PTPRT: variants seen among roughly 807,000 people sequenced by gnomAD.
PTPRT encodes the protein protein tyrosine phosphatase receptor type T.
A neutral mutation model predicts 176.8 loss-of-function variants in PTPRT; 56 were observed. The observed-to-expected ratio is 0.32, with a 90% CI of 0.26 to 0.40. The LOEUF (loss-of-function observed/expected upper bound fraction) is 0.40, where lower values mean the gene tolerates loss of function less well. Among genes scored for constraint, PTPRT ranks in the 10% least tolerant of loss-of-function variants. The pLI, the probability that PTPRT is intolerant of heterozygous loss-of-function variation, is 1.00. For missense variants in PTPRT, 1,540 were observed against 1,908.2 expected, an observed-to-expected ratio of 0.81 and a Z score of 3.60; for synonymous variants, 783 against 739.0, an observed-to-expected ratio of 1.06 and a Z score of -0.96.
At chr20:42,168,466 C>A (rs1600623550) in intron 16 of PTPRT, among the ~76,000 whole-genome samples, 1 of 152,290 alleles carries the variant, frequency 6.6e-6, no homozygotes, top group South Asian at 2.1e-4. Context: ...TTCTCCCTCA[C>A]AAAATACTAG....
chr20:42,735,889 C>T (rs935719391), intron 6 of PTPRT, among the ~76,000 whole-genome samples: 2 of 152,150 alleles, frequency 1.3e-5, no homozygotes, highest in African/African-American at 4.8e-5. Context: ...GTTGTCTGTC[C>T]TTAACCTTAG....
At chr20:42,321,817 C>T (rs996782846) in intron 11 of PTPRT, among the ~76,000 whole-genome samples, 1 of 152,148 alleles carries the variant, frequency 6.6e-6, no homozygotes, top group Non-Finnish European at 1.5e-5. Flanking sequence ...AGCGCGGTGG[C>T]TCACGCCTGT....
At chr20:42,252,669 A>G (rs543741299) in intron 13 of PTPRT, among the ~76,000 whole-genome samples, 1 of 152,320 alleles carries the variant, frequency 6.6e-6, no homozygotes, top group Admixed American at 6.5e-5. Context: ...GAGTATTAGA[A>G]AAATTTTCCC....
intron 2 of PTPRT, among the ~76,000 whole-genome samples, chr20:42,867,881 C>G (rs2078776544): frequency 6.6e-6 from 1 of 151,940 alleles, no homozygotes; most frequent in South Asian, 2.1e-4. Flanking sequence ...GAGTTTTCAC[C>G]ATGTTGACCA....
chr20:42,049,136 A>G, the PTPRT span, among the ~76,000 whole-genome samples: 4 of 152,200 alleles, frequency 2.6e-5, no homozygotes, highest in Non-Finnish European at 5.9e-5. Context: ...TGAGTTTGTT[A>G]CTTAGCGAAG....
chr20:42,835,545 A>AG (rs1024748167), intron 2 of PTPRT, among the ~76,000 whole-genome samples: 4 of 152,142 alleles, frequency 2.6e-5, no homozygotes, highest in South Asian at 2.1e-4. Context: ...TGGTTGCCTC[A>AG]GGGGGGCAGA....
intron 1 of PTPRT, among the ~76,000 whole-genome samples, chr20:43,153,298 A>T (rs960787455): frequency 3.9e-5 from 6 of 152,260 alleles, no homozygotes; most frequent in African/African-American, 1.4e-4. Context: ...GTCAGAAAGG[A>T]TACACACAGA....
chr20:43,117,250 T>C (rs1412620011), intron 1 of PTPRT, among the ~76,000 whole-genome samples: 2 of 152,162 alleles, frequency 1.3e-5, no homozygotes, highest in African/African-American at 4.8e-5. Context: ...TGTCAACTTA[T>C]GTGGATAAAG....
At chr20:42,228,797 C>A (rs987575478) in intron 15 of PTPRT, among the ~76,000 whole-genome samples, 12 of 152,204 alleles carry the variant, frequency 7.9e-5, no homozygotes, top group African/African-American at 2.9e-4. Flanking sequence ...GAGCACTGAT[C>A]TAGTCACTGG....
chr20:42,960,570 G>C (rs1357211232), intron 1 of PTPRT, among the ~76,000 whole-genome samples: 6 of 152,158 alleles, frequency 3.9e-5, no homozygotes, highest in Non-Finnish European at 8.8e-5. Flanking sequence ...ATCTCATGTA[G>C]TCGCATTAAT....
At chr20:42,158,274 G>A (rs1172107030) in intron 17 of PTPRT, among the ~76,000 whole-genome samples, 2 of 152,104 alleles carry the variant, frequency 1.3e-5, no homozygotes, top group Non-Finnish European at 2.9e-5. Context: ...CTTCAGAAGG[G>A]CAAGAATCTT....
intron 15 of PTPRT, among the ~76,000 whole-genome samples, chr20:42,216,705 G>C (rs1481317599): frequency 6.6e-6 from 1 of 152,064 alleles, no homozygotes; most frequent in Non-Finnish European, 1.5e-5. Context: ...CTTTATTGTT[G>C]CATCGTCCCA....
In PTPRT at chr20:42,764,951, C is replaced by T. The variant is rs539549386; in HGVS notation, c.684+6484G>A. 5.3e-5 allele frequency among the ~76,000 whole-genome samples: 8 copies of T among 152,282 alleles called. No homozygotes were observed. The East Asian group carries it at 1.5e-3, about 29-fold the overall frequency. ...ACAGCCTCAGAGGCCAGCAGCAGCCCTGCAGGAGCAAGGAAACAGGTTTAC... is the reference window on the plus strand; with the variant it reads ...ACAGCCTCAGAGGCCAGCAGCAGCCTTGCAGGAGCAAGGAAACAGGTTTAC... On this transcript the variant is annotated intron_variant, in intron 5 of 30. Coordinates refer to ENST00000373187, the MANE Select transcript of PTPRT (RefSeq NM_007050.6).
intron 1 of PTPRT, among the ~76,000 whole-genome samples, chr20:43,118,015 T>A (rs2013121157): frequency 6.6e-6 from 1 of 152,324 alleles, no homozygotes. Flanking sequence ...TACAATGCAC[T>A]TACCTTTCAT....
At chr20:42,206,565 C>G (rs1275342262) in intron 15 of PTPRT, among the ~76,000 whole-genome samples, 1 of 152,232 alleles carries the variant, frequency 6.6e-6, no homozygotes, top group Non-Finnish European at 1.5e-5. Context: ...GAATACTGCG[C>G]ATTTCCGACG....
chr20:42,292,089 G>A (rs1458756461), intron 12 of PTPRT, among the ~76,000 whole-genome samples: 1 of 151,996 alleles, frequency 6.6e-6, no homozygotes, highest in African/African-American at 2.4e-5. Flanking sequence ...TTTTTGCTCT[G>A]TTTGACTCTA....
intron 9 of PTPRT, among the ~76,000 whole-genome samples, chr20:42,427,579 C>T (rs1466396015): frequency 6.6e-6 from 1 of 152,110 alleles, no homozygotes; most frequent in Non-Finnish European, 1.5e-5. Context: ...CATAAGAGCA[C>T]TAATCCCATT....
chr20:43,162,500 G>A (rs963650489), intron 1 of PTPRT, among the ~76,000 whole-genome samples: 2 of 152,186 alleles, frequency 1.3e-5, no homozygotes, highest in African/African-American at 4.8e-5. Flanking sequence ...AAGACTTACT[G>A]ACAGCTTTCT....
rs533238523 is a variant in PTPRT, at chr20:42,206,436, G to A, written c.2343-7048C>T. 9.2e-5 allele frequency among the ~76,000 whole-genome samples: 14 copies of A among 152,318 alleles called. No individual in the cohort carries two copies. The South Asian group carries it at 1.9e-3, about 20-fold the overall frequency. ...GTCAGTGGGTGCGCGCACCATGCGC[G>A]AGCCGAAGCAGGGCGAGGCATTGCC... On this transcript the variant is annotated intron_variant, in intron 15 of 30. Transcript: ENST00000373187.
Sources: allele counts gnomAD v4.1 joint callset (sites outside exome capture counted in the v4.1 genomes callset), GRCh38; gene constraint gnomAD v4.1.1; transcripts MANE v1.5; gene names NCBI Gene and HGNC (gene_info 2026-07-23, HGNC 2026-07-21).